LCLAT1: variants seen among roughly 807,000 people sequenced by gnomAD.
The protein encoded by LCLAT1 is 1-AGP acyltransferase 8.
In LCLAT1, 11 loss-of-function variants were observed where a neutral mutation model predicts 30.7. That is an observed-to-expected ratio of 0.36 (90% CI 0.23 to 0.59). The LOEUF (loss-of-function observed/expected upper bound fraction) is 0.59. Ranked by LOEUF, LCLAT1 falls within the 20% of genes least tolerant of loss-of-function variation. LCLAT1 has a pLI of 0.77. For missense variants in LCLAT1, 402 were observed against 458.6 expected, an observed-to-expected ratio of 0.88 and a Z score of 1.13; for synonymous variants, 155 against 151.3, an observed-to-expected ratio of 1.02 and a Z score of -0.18.
At chr2:30,512,470 A>C (rs562427600) in intron 1 of LCLAT1, among the ~76,000 whole-genome samples, 1 of 152,184 alleles carries the variant, frequency 6.6e-6, no homozygotes, top group Admixed American at 6.5e-5. Flanking sequence ...GGTCAAGGGG[A>C]AGGAAGCCCT....
At chr2:30,468,538 A>G (rs952434625) in intron 1 of LCLAT1, among the ~76,000 whole-genome samples, 7 of 152,062 alleles carry the variant, frequency 4.6e-5, no homozygotes, top group African/African-American at 1.7e-4. Context: ...TTTTTAATTG[A>G]GGTGAAATTT....
rs183001581 is a variant in LCLAT1, at chr2:30,482,126, A to G, written c.-5+34743A>G. On this transcript the variant is annotated intron_variant, in intron 1 of 5. Transcript: ENST00000379509. ...TGCAAAAACTATTTCATCTTAAAAC[A>G]CTTAGAAATTCATTTTGGTTTTTGT... 4.1e-4 allele frequency among the ~76,000 whole-genome samples: 62 copies of G among 152,356 alleles called. No homozygotes were observed. In the East Asian group the frequency reaches 8.7e-3, roughly 21 times the overall value.
chr2:30,540,623 A>G lies in LCLAT1; in HGVS notation c.364+7309A>G, dbSNP rs146999924. 2.7e-3 allele frequency among the ~76,000 whole-genome samples: 409 copies of G among 151,902 alleles called. 2 individuals carry two copies. Among genetic ancestry groups the G allele is most frequent in the African/African-American group, 9.5e-3 (394 of 41,456 alleles). On this transcript the variant is annotated intron_variant, in intron 3 of 5. Transcript: ENST00000379509. ...TCTTTGGCAAACTTAGATAAAGAAGATATTTCAATGTAGGTTTATATTTAT... is the reference window on the plus strand; with the variant it reads ...TCTTTGGCAAACTTAGATAAAGAAGGTATTTCAATGTAGGTTTATATTTAT...
intron 4 of LCLAT1, among the ~76,000 whole-genome samples, chr2:30,565,965 G>A (rs975322757): frequency 6.6e-6 from 1 of 152,158 alleles, no homozygotes; most frequent in Non-Finnish European, 1.5e-5. Flanking sequence ...TCCTGAGGTG[G>A]GAACATGCCC....
chr2:30,600,735 G>C (rs1459026903), intron 5 of LCLAT1, among the ~76,000 whole-genome samples: 1 of 151,972 alleles, frequency 6.6e-6, no homozygotes, highest in Non-Finnish European at 1.5e-5. Flanking sequence ...TTTGACCTTT[G>C]AGAATCTGAT....
intron 5 of LCLAT1, among the ~76,000 whole-genome samples, chr2:30,602,413 G>T (rs146030783): frequency 6.6e-6 from 1 of 152,096 alleles, no homozygotes; most frequent in African/African-American, 2.4e-5. Flanking sequence ...AAATTTTCAG[G>T]AAGCCAGCCT....
chr2:30,469,822 T>C (rs1230472219), intron 1 of LCLAT1, among the ~76,000 whole-genome samples: 2 of 152,104 alleles, frequency 1.3e-5, no homozygotes, highest in Non-Finnish European at 2.9e-5. Context: ...CTCGATCTCC[T>C]GACCTCATGA....
In LCLAT1 at chr2:30,449,742, C is replaced by T. The variant is rs141436086; in HGVS notation, c.-5+2359C>T. ...CTTGAGCTCCCGACCTCAGGTGATC[C>T]GCCTGCCTCAGCCTCCCAAAGTGTT... On this transcript the variant is annotated intron_variant, in intron 1 of 5. Coordinates refer to ENST00000379509, the MANE Select transcript of LCLAT1 (RefSeq NM_001002257.3). Among the ~76,000 whole-genome samples the T allele has an allele frequency of 7.4e-4, 113 of 152,190 alleles. No homozygotes were observed. The East Asian group carries it at 0.015, about 20-fold the overall frequency.
At chr2:30,580,605 G>A (rs962907802) in intron 5 of LCLAT1, among the ~76,000 whole-genome samples, 6 of 152,126 alleles carry the variant, frequency 3.9e-5, no homozygotes, top group Non-Finnish European at 8.8e-5. Context: ...GCTGCCTCAA[G>A]GATGAATAGA....
intron 3 of LCLAT1, among the ~76,000 whole-genome samples, chr2:30,556,824 C>T (rs966162594): frequency 1.1e-4 from 16 of 151,008 alleles, no homozygotes; most frequent in African/African-American, 3.2e-4. Flanking sequence ...CGGCGCACTG[C>T]AACCTCCGCC....
Position 30,640,778 on chromosome 2 carries a change from T to A in LCLAT1, c.*159T>A. 1.1e-6 allele frequency: 1 copy of A among 901,984 alleles called. No individual in the cohort carries two copies. Among genetic ancestry groups the A allele is most frequent in the Non-Finnish European group, 1.6e-6 (1 of 618,714 alleles). The allele number at this position is 901,984 out of a possible 1,614,324, so 55.9% of individuals were successfully genotyped here. On this transcript the variant is annotated 3_prime_UTR_variant, in exon 6 of 6. Coordinates refer to ENST00000379509, the MANE Select transcript of LCLAT1 (RefSeq NM_001002257.3). ...GCACTTAATTTTGTGGGAAAAATATTGCTACAATTTTTTTTAATCTCTGAA... is the reference window on the plus strand; with the variant it reads ...GCACTTAATTTTGTGGGAAAAATATAGCTACAATTTTTTTTAATCTCTGAA...
At chr2:30,462,242 TA>T (rs1389085268) in intron 1 of LCLAT1, among the ~76,000 whole-genome samples, 4 of 152,174 alleles carry the variant, frequency 2.6e-5, no homozygotes, top group Non-Finnish European at 5.9e-5. Flanking sequence ...AACAAGCACC[TA>T]TTGTGTTTCT....
At chr2:30,619,406 G>A (rs1490467327) in intron 5 of LCLAT1, among the ~76,000 whole-genome samples, 1 of 152,134 alleles carries the variant, frequency 6.6e-6, no homozygotes, top group Non-Finnish European at 1.5e-5. Context: ...CCTGGCATTA[G>A]TCAGTAAACC....
intron 1 of LCLAT1, among the ~76,000 whole-genome samples, chr2:30,464,507 G>A (rs1338654561): frequency 6.6e-6 from 1 of 152,156 alleles, no homozygotes; most frequent in Non-Finnish European, 1.5e-5. Flanking sequence ...GGGGCAATAA[G>A]AAAATCTTGC....
Position 30,525,623 on chromosome 2 carries a change from G to A in LCLAT1, c.33G>A (p.Leu11=), listed in dbSNP as rs1685677177. Residue 11 remains leucine (L), a synonymous_variant, in exon 2 of 6, where the codon CTG becomes CTA. Transcript: ENST00000379509. ...CATGGAAAGGGATTTACTTTATACTGACTCTGTTTTGGGGAAGCTTTTTTG... is the reference window on the plus strand; with the variant it reads ...CATGGAAAGGGATTTACTTTATACTAACTCTGTTTTGGGGAAGCTTTTTTG... MVSWKGIYFI[L]TLFWGSFFGS... is the part of the protein sequence containing the mutation. The A allele has an allele frequency of 1.2e-6, 2 of 1,613,730 alleles. No individual in the cohort carries two copies. The highest frequency in any genetic ancestry group is 1.7e-6 in the Non-Finnish European group (2 of 1,179,788).
chr2:30,504,346 G>A (rs1684556067), intron 1 of LCLAT1, among the ~76,000 whole-genome samples: 1 of 151,994 alleles, frequency 6.6e-6, no homozygotes, highest in African/African-American at 2.4e-5. Flanking sequence ...TGTGTCTCAT[G>A]AAGGGAAAAA....
At chr2:30,494,373 T>G (rs927493572) in intron 1 of LCLAT1, among the ~76,000 whole-genome samples, 3 of 152,190 alleles carry the variant, frequency 2.0e-5, no homozygotes, top group Non-Finnish European at 4.4e-5. Flanking sequence ...TAGGCTTATT[T>G]TTGAAAGACT....
At chr2:30,539,537 T>C (rs902269965) in intron 3 of LCLAT1, among the ~76,000 whole-genome samples, 1 of 152,194 alleles carries the variant, frequency 6.6e-6, no homozygotes, top group African/African-American at 2.4e-5. Flanking sequence ...GGCTGGTCTA[T>C]CTTCAACTTA....
chr2:30,553,721 A>G (rs1223285686), intron 3 of LCLAT1, among the ~76,000 whole-genome samples: 1 of 152,020 alleles, frequency 6.6e-6, no homozygotes, highest in Non-Finnish European at 1.5e-5. Flanking sequence ...AGGCTGAGGC[A>G]GGAGAATGGC....
Sources: gnomAD v4.1 joint callset for allele counts (sites outside exome capture counted in the v4.1 genomes callset) on GRCh38, gnomAD v4.1.1 for gene constraint, MANE v1.5 for transcripts, NCBI Gene and HGNC (gene_info 2026-07-23, HGNC 2026-07-21) for gene names.